The following ZNF407 variants were observed in gnomAD, a reference collection of about 807,000 sequenced individuals.
ZNF407 encodes zinc finger protein 407.
Under a neutral mutation model 131.2 loss-of-function variants are expected in ZNF407, and 17 were observed. The ratio of observed to expected loss-of-function variants is 0.13; its 90% CI spans 0.09 to 0.19. The LOEUF is 0.19. ZNF407 is among the 10% of genes least tolerant of loss of function. The pLI is 1.00. For synonymous variants in ZNF407, 1,156 were observed against 1,062.0 expected (o/e 1.09, Z -1.72); for missense variants, 2,681 against 2,830.6 (o/e 0.95, Z 1.20).
At chr18:74,932,785 C>G (rs1411331594) in intron 8 of ZNF407, among the ~76,000 whole-genome samples, 1 of 152,166 alleles carries the variant, frequency 6.6e-6, no homozygotes, top group Non-Finnish European at 1.5e-5. Flanking sequence ...TAGTATTTTG[C>G]ATTCACTATA....
At chr18:75,011,047 G>A (rs1049419829) in intron 8 of ZNF407, among the ~76,000 whole-genome samples, 1 of 152,072 alleles carries the variant, frequency 6.6e-6, no homozygotes. Flanking sequence ...CACAGCACTT[G>A]GAAAACCTGT....
chr18:74,758,087 G>A (rs1200982383), intron 3 of ZNF407, among the ~76,000 whole-genome samples: 1 of 152,042 alleles, frequency 6.6e-6, no homozygotes, highest in Admixed American at 6.5e-5. Flanking sequence ...TGTTTTGCCA[G>A]TCATTACTTT....
chr18:75,060,592 G>A (rs1337267241), intron 8 of ZNF407, among the ~76,000 whole-genome samples: 2 of 137,424 alleles, frequency 1.5e-5, no homozygotes, highest in Non-Finnish European at 3.0e-5. Flanking sequence ...TGCGAGCTCC[G>A]CCTCCCGGGT....
At chr18:74,670,066 T>A (rs1365921268) in intron 3 of ZNF407, among the ~76,000 whole-genome samples, 1 of 152,254 alleles carries the variant, frequency 6.6e-6, no homozygotes, top group Admixed American at 6.5e-5. Flanking sequence ...GTCTTTATTC[T>A]GTCCCAGGAC....
intron 3 of ZNF407, among the ~76,000 whole-genome samples, chr18:74,656,072 A>G (rs912462290): frequency 2.6e-5 from 4 of 152,058 alleles, no homozygotes; most frequent in Admixed American, 1.3e-4. Context: ...TGTATTTTTT[A>G]TTGCTGCTTC....
intron 8 of ZNF407, among the ~76,000 whole-genome samples, chr18:75,060,880 T>C (rs555911376): frequency 1.3e-5 from 2 of 152,238 alleles, no homozygotes; most frequent in Admixed American, 1.3e-4. Flanking sequence ...AAAGAAGATA[T>C]ATTAATTAGT....
At chr18:74,611,508 A>G (rs748464311) in intron 1 of ZNF407, among the ~76,000 whole-genome samples, 1 of 152,350 alleles carries the variant, frequency 6.6e-6, no homozygotes, top group African/African-American at 2.4e-5. Context: ...GCTCAACTTC[A>G]TTAGTAATTA....
At chr18:74,756,629 T>A (rs552942782) in intron 3 of ZNF407, among the ~76,000 whole-genome samples, 5 of 152,316 alleles carry the variant, frequency 3.3e-5, no homozygotes, top group Non-Finnish European at 7.4e-5. Flanking sequence ...GTGTATTGAT[T>A]TTGTATCTTG....
intron 3 of ZNF407, among the ~76,000 whole-genome samples, chr18:74,748,682 TTGTATAATAACA>T (rs1208352242): frequency 6.6e-6 from 1 of 152,178 alleles, no homozygotes; most frequent in Non-Finnish European, 1.5e-5. Context: ...ACATTAGGTT[TTGTATAATAACA>T]TGTACCATTA....
At chr18:74,765,260 G>A (rs998054897) in intron 3 of ZNF407, among the ~76,000 whole-genome samples, 2 of 151,982 alleles carry the variant, frequency 1.3e-5, no homozygotes, top group Non-Finnish European at 2.9e-5. Flanking sequence ...TTCATTCTGG[G>A]TTGGTTGTAT....
chr18:75,027,711 CAAG>C (rs1402782435), intron 8 of ZNF407, among the ~76,000 whole-genome samples: 2 of 152,066 alleles, frequency 1.3e-5, no homozygotes, highest in Non-Finnish European at 2.9e-5. Context: ...TGAGGAGAGA[CAAG>C]AGAGGGTTCA....
chr18:74,890,135 C>A, intron 7 of ZNF407, 97 bp downstream of exon 7: 1 of 1,297,490 alleles, frequency 7.7e-7, no homozygotes, highest in South Asian at 2.3e-5. Context: ...TTCTAATCAC[C>A]ATGAGTTCAT....
chr18:74,829,129 C>T (rs1287755140), intron 4 of ZNF407, among the ~76,000 whole-genome samples: 4 of 152,154 alleles, frequency 2.6e-5, no homozygotes, highest in South Asian at 2.1e-4. Context: ...TTTACATTTA[C>T]ATAAAATAAA....
chr18:74,855,244 G>A (rs967824565), intron 4 of ZNF407, among the ~76,000 whole-genome samples: 3 of 152,030 alleles, frequency 2.0e-5, no homozygotes, highest in African/African-American at 7.2e-5. Context: ...CATACCTACG[G>A]GAGCTTTTAT....
chr18:74,638,702 A>G (rs956072286), intron 2 of ZNF407, among the ~76,000 whole-genome samples: 1 of 152,190 alleles, frequency 6.6e-6, no homozygotes, highest in Non-Finnish European at 1.5e-5. Context: ...AATGAAAACC[A>G]AAAAACCTAC....
chr18:74,812,477 T>A (rs1160008222), intron 4 of ZNF407, among the ~76,000 whole-genome samples: 2 of 152,206 alleles, frequency 1.3e-5, no homozygotes, highest in African/African-American at 4.8e-5. Flanking sequence ...CCTTTGAAGG[T>A]AACATCTCTT....
rs186651947 is a variant in ZNF407, at chr18:74,904,118, G to A, written c.5249+14080G>A. Among the ~76,000 whole-genome samples the A allele has an allele frequency of 3.6e-3, 550 of 152,270 alleles. 4 individuals carry two copies. Among genetic ancestry groups the A allele is most frequent in the African/African-American group, 0.013 (531 of 41,544 alleles). ...TTATTTCTATTTCATTGAAGGGGAG[G>A]CAACCACTAAAGTCTGCTGCATGTT... is the stretch of plus-strand genomic sequence containing the variant. On this transcript the variant is annotated intron_variant, in intron 7 of 8. Transcript: ENST00000299687.
intron 3 of ZNF407, among the ~76,000 whole-genome samples, chr18:74,718,900 TTAA>T (rs1463315716): frequency 6.6e-6 from 1 of 152,216 alleles, no homozygotes; most frequent in African/African-American, 2.4e-5. Context: ...CATTTTATTT[TTAA>T]TAATATGCTT....
intron 3 of ZNF407, among the ~76,000 whole-genome samples, chr18:74,714,523 A>G (rs1445555664): frequency 6.6e-6 from 1 of 152,200 alleles, no homozygotes; most frequent in Admixed American, 6.5e-5. Context: ...GAAGTGAACA[A>G]TGCTGTTTTG....
Sources: allele counts gnomAD v4.1 joint callset (sites outside exome capture counted in the v4.1 genomes callset), GRCh38; gene constraint gnomAD v4.1.1; transcripts MANE v1.5; gene names NCBI Gene and HGNC (gene_info 2026-07-23, HGNC 2026-07-21).